POLA1: variants seen among roughly 807,000 people sequenced by gnomAD.
POLA1 encodes the protein DNA polymerase alpha catalytic subunit.
A neutral mutation model predicts 124.0 loss-of-function variants in POLA1; 15 were observed. The ratio of observed to expected loss-of-function variants is 0.12; its 90% CI spans 0.08 to 0.19. POLA1 has a LOEUF of 0.19. Among genes scored for constraint, POLA1 ranks in the 10% least tolerant of loss-of-function variants. The pLI is 1.00. For missense variants in POLA1, 886 were observed against 1,103.4 expected, an observed-to-expected ratio of 0.80 and a Z score of 2.79; for synonymous variants, 408 against 389.4, an observed-to-expected ratio of 1.05 and a Z score of -0.56.
chrX:24,870,992 G>T (rs187405091), intron 34 of POLA1, among the ~76,000 whole-genome samples: 103 of 111,729 alleles, frequency 9.2e-4, no homozygotes, highest in African/African-American at 3.2e-3. Flanking sequence ...ATTAAAATCC[G>T]TAGCAACCAA....
intron 26 of POLA1, among the ~76,000 whole-genome samples, chrX:24,766,286 A>G (rs1479938476): frequency 8.9e-6 from 1 of 112,042 alleles, no homozygotes; most frequent in Non-Finnish European, 1.9e-5. Flanking sequence ...GCTTGTTTAT[A>G]TACATCTTCC....
chrX:24,845,253 G>C (rs1271217596), intron 34 of POLA1, among the ~76,000 whole-genome samples: 2 of 110,597 alleles, frequency 1.8e-5, no homozygotes, highest in African/African-American at 6.6e-5. Context: ...TTGTTTTTTT[G>C]CCAGCCATCT....
At chrX:24,869,228 C>A (rs1224543348) in intron 34 of POLA1, among the ~76,000 whole-genome samples, 3 of 112,846 alleles carry the variant, frequency 2.7e-5, no homozygotes, top group African/African-American at 9.7e-5. Context: ...GCCACTCTGC[C>A]TGGCCAGGAA....
intron 26 of POLA1, among the ~76,000 whole-genome samples, chrX:24,801,453 C>T (rs769459219): frequency 6.3e-4 from 70 of 111,239 alleles, no homozygotes; most frequent in Non-Finnish European, 1.2e-3. Flanking sequence ...GGTTTAATGC[C>T]CATGATATGA....
intron 4 of POLA1, among the ~76,000 whole-genome samples, chrX:24,704,855 G>C (rs1256325800): frequency 8.9e-6 from 1 of 111,977 alleles, no homozygotes; most frequent in Non-Finnish European, 1.9e-5. Flanking sequence ...ACAATAACAA[G>C]GTTTAGAACT....
intron 35 of POLA1, among the ~76,000 whole-genome samples, chrX:24,916,287 CTT>C (rs1301083848): frequency 1.5e-4 from 14 of 95,098 alleles, no homozygotes; most frequent in African/African-American, 1.2e-4. Flanking sequence ...TTTCTTTTTT[CTT>C]TTTTTTTTTT....
At chrX:24,932,517 A>C (rs2047797815) in intron 36 of POLA1, among the ~76,000 whole-genome samples, 1 of 111,995 alleles carries the variant, frequency 8.9e-6, no homozygotes, top group East Asian at 2.8e-4. Context: ...TATTGACAGG[A>C]TCTGTACACT....
At chrX:24,735,673 T>C (rs1931227813) in intron 18 of POLA1, among the ~76,000 whole-genome samples, 185 bp downstream of exon 18, 1 of 111,427 alleles carries the variant, frequency 9.0e-6, no homozygotes, top group African/African-American at 3.3e-5. Flanking sequence ...TTTTTTTTTT[T>C]CTCTAGTATA....
chrX:24,888,600 GTTTTT>G (rs869301308), intron 35 of POLA1, among the ~76,000 whole-genome samples: 3 of 49,167 alleles, frequency 6.1e-5, no homozygotes, highest in African/African-American at 1.8e-4. Flanking sequence ...TTGTTTGCTT[GTTTTT>G]TTTTTTTTTT....
chrX:24,973,322 G>A (rs780524061), intron 36 of POLA1, among the ~76,000 whole-genome samples: 11 of 110,112 alleles, frequency 1.0e-4, no homozygotes, highest in African/African-American at 2.3e-4. Flanking sequence ...CTGAGATAGC[G>A]CCACTGCACT....
intron 26 of POLA1, among the ~76,000 whole-genome samples, chrX:24,757,765 A>G (rs1431019890): frequency 9.0e-6 from 1 of 111,276 alleles, no homozygotes; most frequent in Admixed American, 9.5e-5. Flanking sequence ...AAGTGCCGCC[A>G]TGATACTCAA....
intron 34 of POLA1, among the ~76,000 whole-genome samples, chrX:24,852,293 C>T (rs1399555834): frequency 9.3e-6 from 1 of 107,736 alleles, no homozygotes; most frequent in Non-Finnish European, 1.9e-5. Context: ...GCATAAATCA[C>T]GTGTTGACCT....
chrX:24,777,312 T>C (rs2045159452), intron 26 of POLA1, among the ~76,000 whole-genome samples: 1 of 112,404 alleles, frequency 8.9e-6, no homozygotes, highest in African/African-American at 3.2e-5. Context: ...TTGGTTACAC[T>C]AAAGACATTC....
At chrX:24,744,748 C>T (rs970290739) in intron 23 of POLA1, among the ~76,000 whole-genome samples, 2 of 108,911 alleles carry the variant, frequency 1.8e-5, no homozygotes, top group Admixed American at 9.9e-5. Context: ...GTCAGGAGAT[C>T]GAGACCGTCC....
At chrX:24,994,265 T>TG (rs1369360908) in intron 36 of POLA1, among the ~76,000 whole-genome samples, 1 of 112,988 alleles carries the variant, frequency 8.9e-6, no homozygotes, top group Non-Finnish European at 1.9e-5. Flanking sequence ...ATAAAACCTG[T>TG]GGTTGTTCTT....
intron 36 of POLA1, among the ~76,000 whole-genome samples, chrX:24,951,680 A>G (rs756800214): frequency 4.2e-4 from 47 of 111,431 alleles, no homozygotes; most frequent in African/African-American, 1.4e-3. Flanking sequence ...CTTCTTGAAC[A>G]TCTTAAAATA....
intron 36 of POLA1, among the ~76,000 whole-genome samples, chrX:24,952,947 A>G (rs1024500222): frequency 8.9e-5 from 10 of 112,253 alleles, no homozygotes; most frequent in African/African-American, 3.2e-4. Context: ...TTTTAAAGAG[A>G]ATGTCAGTAG....
chrX:24,802,139 C>T (rs1296426037), intron 26 of POLA1, among the ~76,000 whole-genome samples: 1 of 110,485 alleles, frequency 9.1e-6, no homozygotes, highest in East Asian at 2.8e-4. Flanking sequence ...TTGATGGGGC[C>T]CGCTCACACT....
At chrX:24,972,154 A>G (rs1055909705) in intron 36 of POLA1, among the ~76,000 whole-genome samples, 2 of 110,249 alleles carry the variant, frequency 1.8e-5, no homozygotes, top group African/African-American at 6.6e-5. Flanking sequence ...TATTTTCAGT[A>G]GAGACAGGGT....
Sources: allele counts gnomAD v4.1 joint callset (sites outside exome capture counted in the v4.1 genomes callset), GRCh38; gene constraint gnomAD v4.1.1; transcripts MANE v1.5; gene names NCBI Gene and HGNC (gene_info 2026-07-23, HGNC 2026-07-21).